Variants in SHISA6 observed in about 807,000 individuals in gnomAD.
SHISA6 encodes shisa family member 6.
SHISA6 carries 22 observed loss-of-function variants against 47.9 expected under a neutral mutation model. The ratio of observed to expected loss-of-function variants is 0.46; its 90% CI spans 0.33 to 0.66. The LOEUF (loss-of-function observed/expected upper bound fraction) is 0.66, where lower values mean the gene tolerates loss of function less well. SHISA6 is among the 30% of genes least tolerant of loss of function. The pLI is 0.02. For synonymous variants in SHISA6, 388 were observed against 337.8 expected, an observed-to-expected ratio of 1.15 and a Z score of -1.63; for missense variants, 680 against 764.6, an observed-to-expected ratio of 0.89 and a Z score of 1.30.
intron 2 of SHISA6, among the ~76,000 whole-genome samples, chr17:11,292,253 A>T (rs184163435): frequency 1.3e-5 from 2 of 152,168 alleles, no homozygotes; most frequent in East Asian, 3.9e-4. Context: ...GGGCATTAAC[A>T]TATGAATTTT....
At chr17:11,421,753 C>T (rs1914456827) in intron 3 of SHISA6, among the ~76,000 whole-genome samples, 1 of 152,184 alleles carries the variant, frequency 6.6e-6, no homozygotes, top group South Asian at 2.1e-4. Context: ...GTCTGAGTTT[C>T]TTTGCAAATG....
intron 3 of SHISA6, among the ~76,000 whole-genome samples, chr17:11,457,969 C>T (rs1249018822): frequency 2.7e-5 from 4 of 150,808 alleles, no homozygotes; most frequent in African/African-American, 7.3e-5. Flanking sequence ...CCTGTAGTCC[C>T]AGCTACTTAG....
intron 3 of SHISA6, among the ~76,000 whole-genome samples, chr17:11,527,515 A>G (rs1426982196): frequency 6.6e-6 from 1 of 152,150 alleles, no homozygotes; most frequent in Admixed American, 6.5e-5. Flanking sequence ...CATTCTTTTT[A>G]TATTCAGTTA....
chr17:11,249,053 G>T (rs1011440979), intron 1 of SHISA6, among the ~76,000 whole-genome samples: 3 of 151,682 alleles, frequency 2.0e-5, no homozygotes, highest in African/African-American at 7.3e-5. Context: ...CAGGAGAATG[G>T]CGTGAACCTG....
At chr17:11,318,463 G>A (rs951878215) in intron 2 of SHISA6, among the ~76,000 whole-genome samples, 1 of 152,096 alleles carries the variant, frequency 6.6e-6, no homozygotes, top group Non-Finnish European at 1.5e-5. Context: ...GTCTTCACAT[G>A]TACCATCTGC....
At chr17:11,262,600 A>G (rs1249912334) in intron 1 of SHISA6, among the ~76,000 whole-genome samples, 1 of 152,234 alleles carries the variant, frequency 6.6e-6, no homozygotes, top group Non-Finnish European at 1.5e-5. Context: ...TGCATGCTGA[A>G]TCGTCAGTCA....
At position 11,507,133 on chromosome 17, in the gene SHISA6, C is replaced by T. The variant is rs116128617; in HGVS notation, c.896-44763C>T. 2.7e-3 allele frequency among the ~76,000 whole-genome samples: 405 copies of T among 152,258 alleles called. 1 individual carries two copies. Among genetic ancestry groups the T allele is most frequent in the African/African-American group, 9.4e-3 (391 of 41,548 alleles). Reference sequence around the variant, plus strand: ...AAAATGAGGAAGACAATGACATCCACCACATTAGTATCTCATAAAGAGCCA... The same window carrying T: ...AAAATGAGGAAGACAATGACATCCATCACATTAGTATCTCATAAAGAGCCA... On this transcript the variant is annotated intron_variant, in intron 3 of 5. Transcript: ENST00000441885.
At chr17:11,246,773 C>T (rs1467670577) in intron 1 of SHISA6, among the ~76,000 whole-genome samples, 1 of 152,208 alleles carries the variant, frequency 6.6e-6, no homozygotes, top group Admixed American at 6.5e-5. Flanking sequence ...CTTCCCTGGG[C>T]AAGATGTGTT....
intron 3 of SHISA6, among the ~76,000 whole-genome samples, chr17:11,550,538 A>G (rs983984149): frequency 1.3e-5 from 2 of 152,190 alleles, no homozygotes; most frequent in African/African-American, 4.8e-5. Flanking sequence ...GCTACAGGGA[A>G]GAGGACTTTG....
At chr17:11,528,186 T>A (rs1186229520) in intron 3 of SHISA6, among the ~76,000 whole-genome samples, 1 of 152,004 alleles carries the variant, frequency 6.6e-6, no homozygotes. Context: ...AAAGAAAAAA[T>A]ATGAACTAAT....
intron 3 of SHISA6, among the ~76,000 whole-genome samples, chr17:11,445,923 G>A (rs1047827433): frequency 6.6e-6 from 1 of 152,188 alleles, no homozygotes; most frequent in Non-Finnish European, 1.5e-5. Context: ...TGCCTCCTGG[G>A]TTCAAGCGAT....
In SHISA6 at chr17:11,481,270, C is replaced by T. The variant is rs191985223; in HGVS notation, c.896-70626C>T. ...CCCCAGCCTGGACGACAGAGCAAGA[C>T]ACCTTCTCAAAATATATATATATAT... On this transcript the variant is annotated intron_variant, in intron 3 of 5. Transcript: ENST00000441885. 5.3e-3 allele frequency among the ~76,000 whole-genome samples: 803 copies of T among 151,502 alleles called. 7 individuals carry two copies. Among genetic ancestry groups the T allele is most frequent in the Non-Finnish European group, 9.6e-3 (650 of 67,930 alleles).
At chr17:11,392,141 T>C (rs1396085160) in intron 3 of SHISA6, among the ~76,000 whole-genome samples, 1 of 152,224 alleles carries the variant, frequency 6.6e-6, no homozygotes, top group Non-Finnish European at 1.5e-5. Flanking sequence ...CAGACTCTTG[T>C]TCTCTTCATC....
intron 2 of SHISA6, among the ~76,000 whole-genome samples, chr17:11,337,909 A>G (rs1046323027): frequency 4.6e-5 from 7 of 152,214 alleles, no homozygotes; most frequent in African/African-American, 1.7e-4. Flanking sequence ...GCTACTACAG[A>G]AGATGTGTTA....
At chr17:11,349,622 G>A (rs991287695) in intron 2 of SHISA6, among the ~76,000 whole-genome samples, 1 of 152,162 alleles carries the variant, frequency 6.6e-6, no homozygotes, top group African/African-American at 2.4e-5. Context: ...GATGGGGGAC[G>A]CGTGAATGTG....
intron 3 of SHISA6, among the ~76,000 whole-genome samples, chr17:11,488,430 A>G (rs965885910): frequency 6.6e-6 from 1 of 152,160 alleles, no homozygotes; most frequent in African/African-American, 2.4e-5. Flanking sequence ...CTGTTTCACT[A>G]TTCTGCCTAC....
chr17:11,254,522 A>T (rs900640923), intron 1 of SHISA6, among the ~76,000 whole-genome samples: 1 of 152,170 alleles, frequency 6.6e-6, no homozygotes, highest in African/African-American at 2.4e-5. Context: ...TTGGTAGAAG[A>T]GGACTTATGA....
Position 11,553,108 on chromosome 17 carries a change from T to C in SHISA6, c.952+1156T>C, listed in dbSNP as rs563354770. ...TCAGTATGTATGGGGGATGGAGTTG[T>C]CAGTGAGTTTGGATCTGGACACCTG... On this transcript the variant is annotated intron_variant, in intron 4 of 5. Coordinates refer to ENST00000441885, the MANE Select transcript of SHISA6 (RefSeq NM_207386.4). 3.3e-5 allele frequency among the ~76,000 whole-genome samples: 5 copies of C among 152,310 alleles called. No individual in the cohort carries two copies. In the South Asian group the frequency reaches 1.0e-3, roughly 32 times the overall value.
At chr17:11,495,785 T>C (rs1056452843) in intron 3 of SHISA6, among the ~76,000 whole-genome samples, 8 of 152,346 alleles carry the variant, frequency 5.3e-5, no homozygotes, top group Non-Finnish European at 1.2e-4. Context: ...GTAGGTCCCC[T>C]TAGTTTCAAA....
Sources: allele counts gnomAD v4.1 joint callset (sites outside exome capture counted in the v4.1 genomes callset), GRCh38; gene constraint gnomAD v4.1.1; transcripts MANE v1.5; gene names NCBI Gene and HGNC (gene_info 2026-07-23, HGNC 2026-07-21).